The following ANK3 variants were observed in gnomAD, a reference collection of about 807,000 sequenced individuals.
ANK3 encodes the protein ankyrin 3.
Under a neutral mutation model 370.9 loss-of-function variants are expected in ANK3, and 57 were observed. That is an observed-to-expected ratio of 0.15 (90% CI 0.12 to 0.19). ANK3 has a LOEUF of 0.19. Ranked by LOEUF, ANK3 falls within the 10% of genes least tolerant of loss-of-function variation. ANK3 has a pLI of 1.00. For missense variants in ANK3, 4,439 were observed against 5,302.1 expected (o/e 0.84, Z 5.06); for synonymous variants, 1,929 against 1,946.3 (o/e 0.99, Z 0.23).
intron 2 of ANK3, among the ~76,000 whole-genome samples, chr10:60,482,313 A>C (rs2075242836): frequency 6.6e-6 from 1 of 152,134 alleles, no homozygotes; most frequent in African/African-American, 2.4e-5. Context: ...AAATTAAGTA[A>C]ATTGCCTGAG....
chr10:60,631,104 G>A (rs1238408440), intron 1 of ANK3, among the ~76,000 whole-genome samples: 1 of 152,138 alleles, frequency 6.6e-6, no homozygotes, highest in East Asian at 1.9e-4. Flanking sequence ...TCCTATGATG[G>A]GAATTATGAA....
chr10:60,027,777 C>T lies in ANK3; in HGVS notation c.*2069G>A, dbSNP rs2072475556. The T allele has an allele frequency of 6.6e-6, 1 of 152,138 alleles. No homozygotes were observed. The highest frequency in any genetic ancestry group is 2.4e-5 in the African/African-American group (1 of 41,420). 9.4% of individuals were successfully genotyped at this position (152,138 alleles called of 1,614,324 possible). The stretch of plus-strand genomic sequence containing the variant: ...AAGTTAAAACAGCCATGGTCTCTGC[C>T]TCAGTAGAATTTAGATTCACGCAGT... On this transcript the variant is annotated 3_prime_UTR_variant, in exon 44 of 44. Transcript: ENST00000280772.
At chr10:60,181,483 G>C in intron 17 of ANK3, 56 bp from the exon 18 acceptor site, 1 of 1,488,650 alleles carries the variant, frequency 6.7e-7, no homozygotes, top group Non-Finnish European at 9.4e-7. Flanking sequence ...CACACACATA[G>C]CCATGTTTGA....
chr10:60,560,548 C>CTT (rs1306630439), intron 2 of ANK3, among the ~76,000 whole-genome samples: 4 of 152,114 alleles, frequency 2.6e-5, no homozygotes, highest in Non-Finnish European at 5.9e-5. Flanking sequence ...TAATTTTTAA[C>CTT]TTTAAGACAT....
rs2078782068 is a variant in ANK3 at position 60,651,046 on chromosome 10, T to C, written c.58-35822A>G. On this transcript the variant is annotated intron_variant, in intron 1 of 43. Coordinates refer to the ANK3 transcript ENST00000373827. The stretch of plus-strand genomic sequence containing the variant: ...AGAAGTTTGAGGCTACAGTGAGCTG[T>C]GGTTGAGCCACTGCATTCCAGCCTG... 2.6e-5 allele frequency among the ~76,000 whole-genome samples: 4 copies of C among 152,158 alleles called. No homozygotes were observed. The South Asian group carries it at 8.3e-4, about 32-fold the overall frequency.
At chr10:60,116,598 A>AT (rs1344397502) in intron 25 of ANK3, among the ~76,000 whole-genome samples, 2 of 152,032 alleles carry the variant, frequency 1.3e-5, no homozygotes, top group Non-Finnish European at 2.9e-5. Flanking sequence ...CTTATTAAAA[A>AT]AAAAAGAAAC....
chr10:60,449,286 G>A (rs983043513), intron 2 of ANK3, among the ~76,000 whole-genome samples: 3 of 152,140 alleles, frequency 2.0e-5, no homozygotes, highest in South Asian at 2.1e-4. Flanking sequence ...TATTTAGCCC[G>A]ATATATCCAA....
In ANK3 at chr10:60,051,369, C is replaced by G. The variant is rs2077959476; in HGVS notation, c.13065+4289G>C. On this transcript the variant is annotated intron_variant, in intron 42 of 43. Transcript: ENST00000280772. The stretch of plus-strand genomic sequence containing the variant: ...AAATTACACAAAGCCATTTCATTAT[C>G]AAGCATGCTGAAATTTCACAACCAC... 3 of 417,078 alleles carry G rather than the reference C, an allele frequency of 7.2e-6. No individual in the cohort carries two copies. The South Asian group carries it at 2.9e-4, about 41-fold the overall frequency. 25.8% of individuals were successfully genotyped at this position (417,078 alleles called of 1,614,324 possible).
At chr10:60,068,128 G>T in intron 37 of ANK3, 119 bp from the exon 38 acceptor site, 2 of 834,080 alleles carry the variant, frequency 2.4e-6, no homozygotes, top group Non-Finnish European at 3.8e-6. Context: ...ACACTGAAAT[G>T]TGTCCTAGTC....
intron 2 of ANK3, among the ~76,000 whole-genome samples, chr10:60,455,506 T>C (rs1328599296): frequency 6.6e-6 from 1 of 152,198 alleles, no homozygotes; most frequent in Non-Finnish European, 1.5e-5. Flanking sequence ...CATTGCAGTT[T>C]TCAACAGTTT....
At chr10:60,401,303 T>G (rs1245396788) in intron 2 of ANK3, among the ~76,000 whole-genome samples, 1 of 152,206 alleles carries the variant, frequency 6.6e-6, no homozygotes, top group African/African-American at 2.4e-5. Flanking sequence ...AGAGACTTGC[T>G]GTATATCTTT....
chr10:60,304,590 C>G (rs2044569363), intron 1 of ANK3, among the ~76,000 whole-genome samples: 1 of 152,008 alleles, frequency 6.6e-6, no homozygotes, highest in Admixed American at 6.6e-5. Context: ...TTGCAGTGAG[C>G]CAAGATTATG....
intron 2 of ANK3, among the ~76,000 whole-genome samples, chr10:60,431,653 G>T (rs976894122): frequency 9.2e-5 from 14 of 152,080 alleles, no homozygotes; most frequent in Admixed American, 7.2e-4. Context: ...GTTAGCTGGT[G>T]GGGGGGCTAG....
intron 1 of ANK3, among the ~76,000 whole-genome samples, chr10:60,296,737 GC>G (rs1318694367): frequency 6.6e-6 from 1 of 152,190 alleles, no homozygotes; most frequent in Non-Finnish European, 1.5e-5. Context: ...GTAAATCCCA[GC>G]ACTTTGGGAG....
At chr10:60,512,713 T>C (rs1395965541) in intron 2 of ANK3, among the ~76,000 whole-genome samples, 1 of 152,116 alleles carries the variant, frequency 6.6e-6, no homozygotes, top group Non-Finnish European at 1.5e-5. Context: ...TTTAGAATAT[T>C]ACTGACTATG....
chr10:60,442,006 C>A (rs570784943), intron 2 of ANK3, among the ~76,000 whole-genome samples: 24 of 152,168 alleles, frequency 1.6e-4, no homozygotes, highest in African/African-American at 5.5e-4. Context: ...TTTCAGGACC[C>A]CCTGCAGACC....
intron 1 of ANK3, among the ~76,000 whole-genome samples, chr10:60,668,838 C>T (rs553400519): frequency 6.6e-6 from 1 of 152,116 alleles, no homozygotes; most frequent in East Asian, 1.9e-4. Flanking sequence ...CTAATAAATA[C>T]AAAAATTAGC....
chr10:60,460,810 G>A (rs898787010), intron 2 of ANK3, among the ~76,000 whole-genome samples: 2 of 152,022 alleles, frequency 1.3e-5, no homozygotes, highest in Non-Finnish European at 2.9e-5. Flanking sequence ...AGTTTGAATG[G>A]ACACTTCAAT....
intron 36 of ANK3, among the ~76,000 whole-genome samples, chr10:60,079,227 C>CACACA: frequency 1.9e-5 from 1 of 52,134 alleles, no homozygotes; most frequent in Non-Finnish European, 4.4e-5. Flanking sequence ...ACACACACAC[C>CACACA]CCTCTTCTGC....
Sources: allele counts gnomAD v4.1 joint callset (sites outside exome capture counted in the v4.1 genomes callset), GRCh38; gene constraint gnomAD v4.1.1; transcripts MANE v1.5; gene names NCBI Gene and HGNC (gene_info 2026-07-23, HGNC 2026-07-21).